Variants in NAALADL2 observed in about 807,000 individuals in gnomAD.
NAALADL2 encodes N-acetylated alpha-linked acidic dipeptidase like 2.
Under a neutral mutation model 87.2 loss-of-function variants are expected in NAALADL2, and 76 were observed. That is an observed-to-expected ratio of 0.87 (90% CI 0.72 to 1.05). The LOEUF (loss-of-function observed/expected upper bound fraction) is 1.05. Ranked by LOEUF, NAALADL2 falls within the 50% of genes least tolerant of loss-of-function variation. NAALADL2 has a pLI of 0.00. For synonymous variants in NAALADL2, 354 were observed against 331.0 expected, an observed-to-expected ratio of 1.07 and a Z score of -0.75; for missense variants, 1,089 against 945.8, an observed-to-expected ratio of 1.15 and a Z score of -1.99.
intron 3 of NAALADL2, among the ~76,000 whole-genome samples, chr3:174,843,000 T>C (rs1724194894): frequency 6.6e-6 from 1 of 152,156 alleles, no homozygotes. Flanking sequence ...TAAATTGTAA[T>C]TGTATATATT....
intron 4 of NAALADL2, among the ~76,000 whole-genome samples, chr3:175,267,043 A>C (rs1752049051): frequency 6.6e-6 from 1 of 151,706 alleles, no homozygotes; most frequent in Non-Finnish European, 1.5e-5. Context: ...GTAAAAAAAA[A>C]AAAGTGTGCT....
intron 9 of NAALADL2, among the ~76,000 whole-genome samples, chr3:175,505,400 C>T (rs1730169591): frequency 2.0e-5 from 3 of 152,104 alleles, no homozygotes; most frequent in Non-Finnish European, 4.4e-5. Flanking sequence ...AATTTTCCCA[C>T]TAGAACCAAG....
At chr3:175,183,039 A>G (rs1580826145) in intron 2 of NAALADL2, among the ~76,000 whole-genome samples, 2 of 121,168 alleles carry the variant, frequency 1.7e-5, no homozygotes, top group African/African-American at 2.7e-5. Context: ...TTGTGGTTCT[A>G]TATGAACTTT....
At chr3:175,788,776 T>G (rs1470994120) in intron 13 of NAALADL2, among the ~76,000 whole-genome samples, 4 of 151,956 alleles carry the variant, frequency 2.6e-5, no homozygotes, top group Non-Finnish European at 4.4e-5. Flanking sequence ...TGTTGAAATC[T>G]TACTCAAATA....
At chr3:175,279,623 C>A (rs1033696261) in intron 4 of NAALADL2, among the ~76,000 whole-genome samples, 3 of 151,780 alleles carry the variant, frequency 2.0e-5, no homozygotes, top group African/African-American at 7.3e-5. Flanking sequence ...ACCATCTGGG[C>A]TTTTTTTATG....
At position 174,447,567 on chromosome 3, in the gene NAALADL2, CAGCACTTTG is replaced by C. The variant is rs548806910; in HGVS notation, c.-184+6536_-184+6544del. Among the ~76,000 whole-genome samples the C allele has an allele frequency of 1.2e-4, 18 of 152,188 alleles. No individual in the cohort carries two copies. In the South Asian group the frequency reaches 3.7e-3, roughly 32 times the overall value. ...GCGAGGTGGCTAACGCCTGTAATCCCAGCACTTTGGGTGGCCGAGGTGGGCGGATCACGA... is the reference window on the plus strand; with the variant it reads ...GCGAGGTGGCTAACGCCTGTAATCCCGGTGGCCGAGGTGGGCGGATCACGA... On this transcript the variant is annotated intron_variant, in intron 1 of 3. Coordinates refer to the NAALADL2 transcript ENST00000434257.
chr3:175,603,415 A>C (rs1265371318), intron 10 of NAALADL2, among the ~76,000 whole-genome samples: 1 of 152,210 alleles, frequency 6.6e-6, no homozygotes, highest in Non-Finnish European at 1.5e-5. Flanking sequence ...ATCCATTTCC[A>C]GAATTCATTT....
At chr3:174,927,892 AC>A (rs1736316708) in intron 1 of NAALADL2, among the ~76,000 whole-genome samples, 1 of 152,084 alleles carries the variant, frequency 6.6e-6, no homozygotes, top group Non-Finnish European at 1.5e-5. Flanking sequence ...GACACAAAAA[AC>A]CCTTCAAAAA....
Position 175,407,840 on chromosome 3 carries a change from G to A in NAALADL2, c.1091-39389G>A, listed in dbSNP as rs141214285. On this transcript the variant is annotated intron_variant, in intron 5 of 13. Transcript: ENST00000454872. ...ACGATTAAGTTCCATCAGTCTTGTC[G>A]TTACAGCTTAGTAACAGGTTGTCTA... Among the ~76,000 whole-genome samples, 454 of 152,168 alleles carry A rather than the reference G, an allele frequency of 3.0e-3. 2 individuals carry two copies. Among genetic ancestry groups the A allele is most frequent in the African/African-American group, 9.9e-3 (409 of 41,518 alleles).
At chr3:174,734,816 A>G (rs577946445) in intron 2 of NAALADL2, among the ~76,000 whole-genome samples, 2 of 152,346 alleles carry the variant, frequency 1.3e-5, no homozygotes, top group East Asian at 3.9e-4. Context: ...ACAAAAATTC[A>G]GAATTATTAT....
At chr3:175,261,632 A>T (rs1751058712) in intron 4 of NAALADL2, among the ~76,000 whole-genome samples, 1 of 152,084 alleles carries the variant, frequency 6.6e-6, no homozygotes, top group African/African-American at 2.4e-5. Flanking sequence ...ATATACTAAG[A>T]TATTAGTCAA....
intron 1 of NAALADL2, among the ~76,000 whole-genome samples, chr3:174,944,549 C>T (rs962752302): frequency 6.6e-6 from 1 of 152,282 alleles, no homozygotes; most frequent in Admixed American, 6.5e-5. Flanking sequence ...ACTGTCACTG[C>T]TTAGCATCCT....
chr3:175,276,792 A>T (rs988576956), intron 4 of NAALADL2, among the ~76,000 whole-genome samples: 1 of 152,160 alleles, frequency 6.6e-6, no homozygotes, highest in Non-Finnish European at 1.5e-5. Context: ...TTTCTTCAAG[A>T]TGAGATCCAT....
At chr3:174,509,404 CTTTT>C (rs34028719) in intron 1 of NAALADL2, among the ~76,000 whole-genome samples, 4 of 106,940 alleles carry the variant, frequency 3.7e-5, no homozygotes, top group African/African-American at 1.0e-4. Flanking sequence ...TCCTTTCTTT[CTTTT>C]TTTTTTTTTT....
chr3:174,867,164 A>G (rs1045637648), intron 1 of NAALADL2, among the ~76,000 whole-genome samples: 1 of 151,806 alleles, frequency 6.6e-6, no homozygotes, highest in Non-Finnish European at 1.5e-5. Context: ...AAAAATAAAA[A>G]AGGGGAAAGA....
At chr3:175,777,977 CATA>C (rs1576793769) in intron 13 of NAALADL2, among the ~76,000 whole-genome samples, 2 of 152,256 alleles carry the variant, frequency 1.3e-5, no homozygotes, top group South Asian at 4.1e-4. Context: ...ATACGTTTAG[CATA>C]ATGTTTTCAT....
At chr3:175,529,357 A>G (rs1464686152) in intron 9 of NAALADL2, among the ~76,000 whole-genome samples, 1 of 152,182 alleles carries the variant, frequency 6.6e-6, no homozygotes, top group African/African-American at 2.4e-5. Context: ...TCCCTCTGGA[A>G]CTAAGATCTC....
intron 4 of NAALADL2, among the ~76,000 whole-genome samples, chr3:175,292,383 A>C (rs1440206356): frequency 6.6e-6 from 1 of 152,210 alleles, no homozygotes; most frequent in African/African-American, 2.4e-5. Flanking sequence ...CAGCTTTAAA[A>C]TATAACTGCA....
At chr3:175,611,028 C>T (rs1300606829) in intron 10 of NAALADL2, among the ~76,000 whole-genome samples, 1 of 152,018 alleles carries the variant, frequency 6.6e-6, no homozygotes, top group African/African-American at 2.4e-5. Flanking sequence ...AGCTAAAGTG[C>T]ATAATTAAAG....
Sources: gnomAD v4.1 joint callset for allele counts (sites outside exome capture counted in the v4.1 genomes callset) on GRCh38, gnomAD v4.1.1 for gene constraint, MANE v1.5 for transcripts, NCBI Gene and HGNC (gene_info 2026-07-23, HGNC 2026-07-21) for gene names.